EIF2AK3: variants seen among roughly 807,000 people sequenced by gnomAD.
EIF2AK3 encodes the protein eukaryotic translation initiation factor 2 alpha kinase 3.
A neutral mutation model predicts 113.5 loss-of-function variants in EIF2AK3; 50 were observed. The ratio of observed to expected loss-of-function variants is 0.44; its 90% CI spans 0.35 to 0.56. The LOEUF (loss-of-function observed/expected upper bound fraction) is 0.56, where lower values mean the gene tolerates loss of function less well. Ranked by LOEUF, EIF2AK3 falls within the 20% of genes least tolerant of loss-of-function variation. EIF2AK3 has a pLI of 0.00. For missense variants in EIF2AK3, 1,185 were observed against 1,378.0 expected (o/e 0.86, Z 2.22); for synonymous variants, 448 against 495.4 (o/e 0.90, Z 1.27).
intron 2 of EIF2AK3, among the ~76,000 whole-genome samples, chr2:88,598,776 T>C (rs1000275852): frequency 6.6e-6 from 1 of 152,212 alleles, no homozygotes; most frequent in Non-Finnish European, 1.5e-5. Flanking sequence ...ATTGTATTAA[T>C]ATAAATTGAT....
chr2:88,610,700 A>G (rs1371293039), intron 2 of EIF2AK3, among the ~76,000 whole-genome samples: 1 of 152,228 alleles, frequency 6.6e-6, no homozygotes, highest in Non-Finnish European at 1.5e-5. Context: ...TTATTCATAA[A>G]AATGTTACGT....
At chr2:88,619,725 G>A (rs1573426196) in intron 1 of EIF2AK3, among the ~76,000 whole-genome samples, 2 of 152,076 alleles carry the variant, frequency 1.3e-5, no homozygotes, top group African/African-American at 2.4e-5. Context: ...AGGCCAAGGC[G>A]GATGGATCAC....
chr2:88,561,862 A>G (rs961522501), intron 15 of EIF2AK3, among the ~76,000 whole-genome samples: 1 of 149,840 alleles, frequency 6.7e-6, no homozygotes, highest in Non-Finnish European at 1.5e-5. Context: ...TTGCCTTGAG[A>G]AAAAAAAAAG....
At chr2:88,614,129 C>T (rs973251913) in intron 1 of EIF2AK3, among the ~76,000 whole-genome samples, 1 of 152,172 alleles carries the variant, frequency 6.6e-6, no homozygotes, top group Admixed American at 6.5e-5. Flanking sequence ...CCTGGTATGT[C>T]CTCTTCTACC....
intron 11 of EIF2AK3, 27 bp downstream of exon 11, chr2:88,579,491 A>C: frequency 6.2e-7 from 1 of 1,612,902 alleles, no homozygotes; most frequent in Non-Finnish European, 8.5e-7. Context: ...TGCTGATTTC[A>C]AGTTTACTGA....
chr2:88,592,036 A>C (rs1660342187), intron 4 of EIF2AK3, among the ~76,000 whole-genome samples: 1 of 152,234 alleles, frequency 6.6e-6, no homozygotes, highest in African/African-American at 2.4e-5. Flanking sequence ...ACTGAATTAC[A>C]CTGCATCGGA....
At chr2:88,617,517 G>C (rs6731022) in intron 1 of EIF2AK3, among the ~76,000 whole-genome samples, 51,268 of 151,782 alleles carry the variant, frequency 0.34, 8,954 homozygotes, top group East Asian at 0.51. Context: ...ACTACCATTG[G>C]GGCCAGGTGC....
At chr2:88,586,125 A>G (rs914008658) in intron 8 of EIF2AK3, 64 bp from the exon 9 acceptor site, 32 of 1,273,308 alleles carry the variant, frequency 2.5e-5, no homozygotes, top group East Asian at 7.0e-5. Context: ...GTCTTTAACT[A>G]TTAAAATTTA....
chr2:88,583,934 A>G (rs1159296906), intron 9 of EIF2AK3, among the ~76,000 whole-genome samples: 1 of 152,204 alleles, frequency 6.6e-6, no homozygotes, highest in East Asian at 1.9e-4. Flanking sequence ...AATAACAACA[A>G]CAACAAAAAG....
chr2:88,561,217 G>C (rs1351737489), intron 15 of EIF2AK3, among the ~76,000 whole-genome samples: 1 of 151,122 alleles, frequency 6.6e-6, no homozygotes, highest in Admixed American at 6.6e-5. Flanking sequence ...GCCTCCCAAA[G>C]TGTTGGGATT....
chr2:88,604,086 G>A (rs1675214170), intron 2 of EIF2AK3, among the ~76,000 whole-genome samples: 1 of 152,140 alleles, frequency 6.6e-6, no homozygotes, highest in Non-Finnish European at 1.5e-5. Context: ...CTTAACTAGT[G>A]TGGGAGACTA....
At chr2:88,623,773 G>GT (rs1411966011) in intron 1 of EIF2AK3, among the ~76,000 whole-genome samples, 1 of 152,016 alleles carries the variant, frequency 6.6e-6, no homozygotes, top group Non-Finnish European at 1.5e-5. Context: ...CTTATTCAAG[G>GT]TTTCTCAAAC....
intron 2 of EIF2AK3, among the ~76,000 whole-genome samples, chr2:88,597,421 C>A (rs1044312015): frequency 6.6e-6 from 1 of 152,104 alleles, no homozygotes. Flanking sequence ...AAATCTTCAA[C>A]AGCTATTATC....
intron 1 of EIF2AK3, among the ~76,000 whole-genome samples, chr2:88,619,000 CTT>C (rs749982072): frequency 1.4e-4 from 20 of 140,572 alleles, no homozygotes; most frequent in Admixed American, 3.6e-4. Flanking sequence ...ATCTATCATT[CTT>C]TTTTTTTTTT....
At chr2:88,615,303 T>G (rs1285924309) in intron 1 of EIF2AK3, among the ~76,000 whole-genome samples, 3 of 152,228 alleles carry the variant, frequency 2.0e-5, no homozygotes, top group Non-Finnish European at 4.4e-5. Context: ...TCCCACACCA[T>G]CAGTCATTCC....
At chr2:88,619,182 G>C (rs1675659201) in intron 1 of EIF2AK3, among the ~76,000 whole-genome samples, 1 of 152,022 alleles carries the variant, frequency 6.6e-6, no homozygotes, top group South Asian at 2.1e-4. Context: ...GTAGAGGTGG[G>C]GGTTCACCAT....
intron 2 of EIF2AK3, among the ~76,000 whole-genome samples, chr2:88,608,626 C>T (rs1044353064): frequency 6.6e-6 from 1 of 151,606 alleles, no homozygotes; most frequent in Non-Finnish European, 1.5e-5. Flanking sequence ...GAAAACACTG[C>T]ACCAGATGCA....
At chr2:88,580,962 G>A (rs1674585255) in intron 10 of EIF2AK3, among the ~76,000 whole-genome samples, 1 of 152,000 alleles carries the variant, frequency 6.6e-6, no homozygotes, top group Non-Finnish European at 1.5e-5. Flanking sequence ...ACTCCTGGAG[G>A]GCCAGCTGAA....
At chr2:88,592,425 C>T (rs1046000754) in intron 4 of EIF2AK3, among the ~76,000 whole-genome samples, 1 of 152,142 alleles carries the variant, frequency 6.6e-6, no homozygotes, top group Non-Finnish European at 1.5e-5. Flanking sequence ...TTTGTCTTAA[C>T]ATCTTTCTGT....
Sources: allele counts gnomAD v4.1 joint callset (sites outside exome capture counted in the v4.1 genomes callset), GRCh38; gene constraint gnomAD v4.1.1; transcripts MANE v1.5; gene names NCBI Gene and HGNC (gene_info 2026-07-23, HGNC 2026-07-21).